The following EFCAB10 variants were observed in gnomAD, a reference collection of about 807,000 sequenced individuals.
The protein encoded by EFCAB10 is EF-hand calcium-binding domain-containing protein 10.
A neutral mutation model predicts 7.7 loss-of-function variants in EFCAB10; 7 were observed. The ratio of observed to expected loss-of-function variants is 0.91; its 90% CI spans 0.52 to 1.72. EFCAB10 has a LOEUF of 1.72. Ranked by LOEUF, EFCAB10 falls within the 40% of genes most tolerant of loss-of-function variation. EFCAB10 has a pLI of 0.00. For missense variants in EFCAB10, 112 were observed against 61.5 expected (o/e 1.82, Z -2.74); for synonymous variants, 52 against 21.0 (o/e 2.47, Z -4.03).
chr7:105,574,766 A>G (rs1388775736), intron 1 of EFCAB10, among the ~76,000 whole-genome samples: 1 of 151,812 alleles, frequency 6.6e-6, no homozygotes, highest in African/African-American at 2.4e-5. Context: ...TACAAGCGTG[A>G]GCCACTGTGC....
chr7:105,570,882 G>A (rs1791932433), intron 1 of EFCAB10, among the ~76,000 whole-genome samples: 1 of 151,986 alleles, frequency 6.6e-6, no homozygotes, highest in African/African-American at 2.4e-5. Context: ...AAACTTAGCC[G>A]GGCGTGGTGA....
At chr7:105,575,829 G>C (rs1792064509) in intron 1 of EFCAB10, among the ~76,000 whole-genome samples, 1 of 152,080 alleles carries the variant, frequency 6.6e-6, no homozygotes, top group Non-Finnish European at 1.5e-5. Flanking sequence ...CCTGAGGTTG[G>C]GAGTTCGAGA....
At chr7:105,567,442 T>C (rs1431942014) in intron 4 of EFCAB10, 25 bp downstream of exon 4, 2 of 747,472 alleles carry the variant, frequency 2.7e-6, no homozygotes, top group Non-Finnish European at 4.7e-6. Flanking sequence ...TTATCTTGGA[T>C]TTATGGTGTT....
intron 1 of EFCAB10, among the ~76,000 whole-genome samples, chr7:105,574,825 G>C (rs1452555806): frequency 6.6e-6 from 1 of 151,476 alleles, no homozygotes; most frequent in Non-Finnish European, 1.5e-5. Flanking sequence ...GTCAGGCGCA[G>C]TGGCTCACAC....
intron 1 of EFCAB10, among the ~76,000 whole-genome samples, chr7:105,574,672 G>C (rs1792031772): frequency 6.6e-6 from 1 of 151,662 alleles, no homozygotes; most frequent in Admixed American, 6.6e-5. Context: ...ATTTTTAATA[G>C]AGGGGTTTCA....
At chr7:105,570,682 T>A (rs1427182039) in intron 1 of EFCAB10, among the ~76,000 whole-genome samples, 1 of 152,186 alleles carries the variant, frequency 6.6e-6, no homozygotes, top group East Asian at 1.9e-4. Context: ...AATGCTGGGA[T>A]TTATAGGCAT....
chr7:105,567,074 C>A, intron 4 of EFCAB10: 1 of 1,188,980 alleles, frequency 8.4e-7, no homozygotes, highest in Admixed American at 2.7e-5. Context: ...ATAATTGATG[C>A]AGATAATGGA....
chr7:105,570,264 TATATACAC>T (rs1454752192), intron 1 of EFCAB10, among the ~76,000 whole-genome samples: 1 of 86,632 alleles, frequency 1.2e-5, no homozygotes, highest in African/African-American at 4.4e-5. Context: ...TATATATATA[TATATACAC>T]ACACACACAC....
chr7:105,571,761 A>C (rs1460852711), intron 1 of EFCAB10: 2 of 152,346 alleles, frequency 1.3e-5, no homozygotes, highest in East Asian at 3.8e-4. Context: ...CAAGAGTTTC[A>C]ATGGGAAATC....
intron 3 of EFCAB10, 105 bp downstream of exon 3, chr7:105,569,098 A>C (rs2133507223): frequency 1.5e-6 from 1 of 661,248 alleles, no homozygotes; most frequent in South Asian, 1.7e-5. Context: ...TTTCAAGGGA[A>C]CAAAATATTT....
At chr7:105,577,184 G>C (rs541284656) in intron 1 of EFCAB10, among the ~76,000 whole-genome samples, 1 of 152,228 alleles carries the variant, frequency 6.6e-6, no homozygotes, top group South Asian at 2.1e-4. Flanking sequence ...GTCTTTATCT[G>C]CTTAGGTTCT....
At chr7:105,565,657 A>C in intron 4 of EFCAB10, 5 of 1,497,220 alleles carry the variant, frequency 3.3e-6, no homozygotes, top group Non-Finnish European at 4.6e-6. Context: ...CAGTAAGCTC[A>C]ACATTTAACA....
chr7:105,565,451 C>T lies in EFCAB10; in HGVS notation c.*-4G>A, dbSNP rs1371137905. On this transcript the variant is annotated splice_polypyrimidine_tract_variant and splice_region_variant and intron_variant, in intron 4 of 4. Transcript: ENST00000480514. ...TAGAGAAGCTGGATGTATACATCTA[C>T]CAAGAAGTAAGTAAGAATAGACTGT... 1.9e-6 allele frequency: 3 copies of T among 1,613,596 alleles called. No individual in the cohort carries two copies. Among genetic ancestry groups the T allele is most frequent in the South Asian group, 2.2e-5 (2 of 91,074 alleles).
At chr7:105,566,278 G>A (rs1388465927) in intron 4 of EFCAB10, 1 of 151,754 alleles carries the variant, frequency 6.6e-6, no homozygotes, top group Non-Finnish European at 1.5e-5. Flanking sequence ...ATACCTAATA[G>A]GCCAGGCCTG....
At chr7:105,581,314 C>A (rs759386838) in intron 1 of EFCAB10, 44 bp downstream of exon 1, 9 of 696,910 alleles carry the variant, frequency 1.3e-5, no homozygotes, top group Non-Finnish European at 2.4e-5. Flanking sequence ...GGGAAGCGAA[C>A]CCCACATGGA....
intron 1 of EFCAB10, chr7:105,572,482 C>G (rs775306736): frequency 6.6e-6 from 1 of 152,132 alleles, no homozygotes; most frequent in South Asian, 2.1e-4. Flanking sequence ...AATAGTGCTG[C>G]GATGAATACA....
intron 4 of EFCAB10, 194 bp downstream of exon 4, chr7:105,567,273 C>G: frequency 6.2e-7 from 1 of 1,608,972 alleles, no homozygotes; most frequent in Non-Finnish European, 8.5e-7. Flanking sequence ...TGAGATTCTA[C>G]TTAATTTGAG....
At chr7:105,569,620 C>T (rs992341260) in intron 1 of EFCAB10, 49 bp from the exon 2 acceptor site, 10 of 674,568 alleles carry the variant, frequency 1.5e-5, no homozygotes, top group African/African-American at 3.6e-5. Context: ...TAAAATATGT[C>T]GCAAATAGAA....
Position 105,570,268 on chromosome 7 carries a change from T to TATATATATATAC in EFCAB10, c.107-698_107-697insGTATATATATAT, listed in dbSNP as rs1188257284. On this transcript the variant is annotated intron_variant, in intron 1 of 4. Transcript: ENST00000480514. ...ATATATATATATATATATATATATA[T>TATATATATATAC]ACACACACACACACATACATATACA... is the stretch of plus-strand genomic sequence containing the variant. 4.8e-4 allele frequency among the ~76,000 whole-genome samples: 32 copies of TATATATATATAC among 66,434 alleles called. 1 individual carries two copies. The highest frequency in any genetic ancestry group is 9.6e-4 in the Admixed American group (4 of 4,162). 43.6% of individuals were successfully genotyped at this position (66,434 alleles called of 152,430 possible).
Sources: gnomAD v4.1 joint callset for allele counts (sites outside exome capture counted in the v4.1 genomes callset) on GRCh38, gnomAD v4.1.1 for gene constraint, MANE v1.5 for transcripts, NCBI Gene and HGNC (gene_info 2026-07-23, HGNC 2026-07-21) for gene names.